NTN1: variants seen among roughly 807,000 people sequenced by gnomAD.
NTN1 encodes netrin 1.
A neutral mutation model predicts 54.2 loss-of-function variants in NTN1; 11 were observed. The ratio of observed to expected loss-of-function variants is 0.20; its 90% CI spans 0.13 to 0.34. NTN1 has a LOEUF of 0.34. NTN1 is among the 10% of genes least tolerant of loss of function. The probability of loss-of-function intolerance (pLI) is 1.00; values close to 1 mark genes in which losing one functional copy is unlikely to be tolerated. For synonymous variants in NTN1, 371 were observed against 382.0 expected (o/e 0.97, Z 0.33); for missense variants, 740 against 893.1 (o/e 0.83, Z 2.18).
rs569885790 is a variant in NTN1, at chr17:9,232,325, A to T, written c.1487-7315A>T. Reference sequence around the variant, plus strand: ...CTCCCTACTTAAGCCTCTTGCTAAGAAGGGTGCCAGTCCCCGATCTCTTCT... The same window carrying T: ...CTCCCTACTTAAGCCTCTTGCTAAGTAGGGTGCCAGTCCCCGATCTCTTCT... On this transcript the variant is annotated intron_variant, in intron 6 of 6. Coordinates refer to ENST00000173229, the MANE Select transcript of NTN1 (RefSeq NM_004822.3). Among the ~76,000 whole-genome samples the T allele has an allele frequency of 7.2e-4, 110 of 152,260 alleles. 2 individuals are homozygous for T. Among genetic ancestry groups the T allele is most frequent in the African/African-American group, 2.5e-3 (104 of 41,562 alleles).
At chr17:9,218,721 C>T (rs77228231) in intron 5 of NTN1, among the ~76,000 whole-genome samples, 10,061 of 152,206 alleles carry the variant, frequency 0.066, 396 homozygotes, top group Non-Finnish European at 0.088. Flanking sequence ...AGCTAGGCAC[C>T]GCAGTCCCTC....
chr17:9,160,751 G>A (rs560916977), intron 2 of NTN1, among the ~76,000 whole-genome samples: 5 of 152,194 alleles, frequency 3.3e-5, no homozygotes, highest in Admixed American at 2.0e-4. Context: ...CCAGGAGTTC[G>A]AGACCAGCCT....
intron 5 of NTN1, among the ~76,000 whole-genome samples, chr17:9,213,600 A>C (rs1905158111): frequency 6.6e-6 from 1 of 152,250 alleles, no homozygotes; most frequent in African/African-American, 2.4e-5. Context: ...TGGTTATGCC[A>C]GCTTTTATAT....
chr17:9,120,158 G>A (rs1302643862), intron 2 of NTN1, among the ~76,000 whole-genome samples: 2 of 151,844 alleles, frequency 1.3e-5, no homozygotes, highest in Non-Finnish European at 2.9e-5. Context: ...GGTGGCGGGC[G>A]CCTGTAGTCC....
At chr17:9,110,421 C>G (rs2092186099) in intron 2 of NTN1, among the ~76,000 whole-genome samples, 2 of 152,148 alleles carry the variant, frequency 1.3e-5, no homozygotes, top group African/African-American at 4.8e-5. Context: ...AGGCACCTGC[C>G]ACCATGCCTG....
chr17:9,193,938 A>AAAAAAAAAAAAAAAAC (rs796452392), intron 5 of NTN1, among the ~76,000 whole-genome samples: 11 of 108,352 alleles, frequency 1.0e-4, no homozygotes, highest in South Asian at 3.7e-4. Context: ...AAAAAAAAAA[A>AAAAAAAAAAAAAAAAC]AAAAAACATT....
At chr17:9,048,314 C>CT (rs34970192) in intron 2 of NTN1, among the ~76,000 whole-genome samples, 29 of 148,924 alleles carry the variant, frequency 1.9e-4, no homozygotes, top group Non-Finnish European at 2.4e-4. Context: ...TGAAAGGAAT[C>CT]TTTTTTTTTT....
chr17:9,225,222 T>G (rs1435682575), intron 6 of NTN1, among the ~76,000 whole-genome samples: 1 of 151,672 alleles, frequency 6.6e-6, no homozygotes, highest in Non-Finnish European at 1.5e-5. Context: ...GCCGTTGCAC[T>G]CCAGCCTGAG....
At chr17:9,147,270 C>G (rs1482346781) in intron 2 of NTN1, among the ~76,000 whole-genome samples, 1 of 152,200 alleles carries the variant, frequency 6.6e-6, no homozygotes. Context: ...ATTTGGGAGG[C>G]CGAGGTGGGC....
intron 2 of NTN1, among the ~76,000 whole-genome samples, chr17:9,043,768 CG>C (rs1355578522): frequency 6.6e-6 from 1 of 151,948 alleles, no homozygotes; most frequent in African/African-American, 2.4e-5. Flanking sequence ...TTAGTAGAGA[CG>C]GGGTTTCACC....
At chr17:9,163,197 A>T (rs1486633234) in intron 3 of NTN1, among the ~76,000 whole-genome samples, 196 bp downstream of exon 3, 2 of 139,448 alleles carry the variant, frequency 1.4e-5, no homozygotes, top group East Asian at 4.6e-4. Flanking sequence ...CCTCCCTGGT[A>T]TTTGGAGGTG....
chr17:9,098,092 C>A (rs573734961), intron 2 of NTN1, among the ~76,000 whole-genome samples: 4 of 152,170 alleles, frequency 2.6e-5, no homozygotes, highest in African/African-American at 9.7e-5. Flanking sequence ...CTACCGTTAT[C>A]ATGACTGTAG....
chr17:9,019,655 A>G (rs1046338156), upstream of NTN1, among the ~76,000 whole-genome samples: 4 of 152,242 alleles, frequency 2.6e-5, no homozygotes, highest in African/African-American at 9.6e-5. Flanking sequence ...GTACAGATGG[A>G]GGAAACCAAG....
chr17:9,202,593 T>C (rs1289822515), intron 5 of NTN1, among the ~76,000 whole-genome samples: 1 of 152,186 alleles, frequency 6.6e-6, no homozygotes, highest in Admixed American at 6.5e-5. Flanking sequence ...TGTGACATTG[T>C]TGTGGGTTGA....
intron 2 of NTN1, among the ~76,000 whole-genome samples, chr17:9,037,314 C>G (rs1404493001): frequency 6.6e-6 from 1 of 152,118 alleles, no homozygotes; most frequent in South Asian, 2.1e-4. Context: ...GATGGATGAT[C>G]TCAACTTCTT....
At chr17:9,204,917 T>C (rs3785983) in intron 5 of NTN1, among the ~76,000 whole-genome samples, 34,348 of 147,750 alleles carry the variant, frequency 0.23, 4,127 homozygotes, top group Non-Finnish European at 0.28. Context: ...CCATCAGTGC[T>C]GTCAACCCTC....
chr17:9,068,144 G>A (rs982182653), intron 2 of NTN1, among the ~76,000 whole-genome samples: 1 of 152,162 alleles, frequency 6.6e-6, no homozygotes, highest in Non-Finnish European at 1.5e-5. Context: ...GGATTGATGA[G>A]TTTAGGGAAA....
At chr17:9,083,613 C>T in intron 2 of NTN1, among the ~76,000 whole-genome samples, 1 of 152,206 alleles carries the variant, frequency 6.6e-6, no homozygotes. Flanking sequence ...CCTTCTTGCT[C>T]ACCTTGGATG....
At chr17:9,102,323 C>G (rs1277680807) in intron 2 of NTN1, among the ~76,000 whole-genome samples, 2 of 74,756 alleles carry the variant, frequency 2.7e-5, no homozygotes, top group Admixed American at 1.3e-4. Context: ...GAAGGGGGAG[C>G]AAACATGTCC....
Sources: gnomAD v4.1 joint callset for allele counts (sites outside exome capture counted in the v4.1 genomes callset) on GRCh38, gnomAD v4.1.1 for gene constraint, MANE v1.5 for transcripts, NCBI Gene and HGNC (gene_info 2026-07-23, HGNC 2026-07-21) for gene names.